Variants in DMKN observed in about 807,000 individuals in gnomAD.
DMKN encodes the protein dermokine.
In DMKN, 58 loss-of-function variants were observed where a neutral mutation model predicts 67.6. The ratio of observed to expected loss-of-function variants is 0.86; its 90% confidence interval spans 0.69 to 1.07. DMKN has a LOEUF of 1.07. Ranked by LOEUF, DMKN falls within the 50% of genes least tolerant of loss-of-function variation. DMKN has a pLI of 0.00. For synonymous variants in DMKN, 240 were observed against 232.3 expected (o/e 1.03, Z -0.30); for missense variants, 596 against 601.5 (o/e 0.99, Z 0.10).
At chr19:35,510,783 C>G (rs1432487614) in intron 5 of DMKN, among the ~76,000 whole-genome samples, 1 of 152,126 alleles carries the variant, frequency 6.6e-6, no homozygotes, top group East Asian at 1.9e-4. Context: ...CTCTCCAGCT[C>G]GACTCCAAGA....
At chr19:35,510,917 C>A (rs1365995854) in intron 5 of DMKN, among the ~76,000 whole-genome samples, 3 of 152,258 alleles carry the variant, frequency 2.0e-5, no homozygotes, top group African/African-American at 7.2e-5. Context: ...GGGGTCACAG[C>A]GCCCCTTCCT....
At chr19:35,509,824 G>T (rs1336362839) in intron 7 of DMKN, 87 bp downstream of exon 7, 3 of 1,499,268 alleles carry the variant, frequency 2.0e-6, no homozygotes, top group African/African-American at 1.4e-5. Flanking sequence ...GCAGGAGGGG[G>T]TTGAGCAGAG....
Position 35,502,854 on chromosome 19 carries a change from G to A in DMKN, c.1167C>T (p.Leu389=), listed in dbSNP as rs1260614996. The A allele has an allele frequency of 1.9e-6, 3 of 1,614,100 alleles. No homozygotes were observed. The highest frequency in any genetic ancestry group is 8.5e-7 in the Non-Finnish European group (1 of 1,180,006). Residue 389 remains leucine (L), a synonymous_variant, in exon 10 of 16, where the codon CTC becomes CTT. Transcript: ENST00000339686. ...CCTCCCAGAGTCGGCTGAAGTAGAG[G>A]AGGGCTCGGGTGCTGGGGGGCGGGA... The part of the protein sequence containing the change: ...NQVPPPSTRA[L]LYFSRLWEDF...
chr19:35,511,477 GCCGC>G lies in DMKN; in HGVS notation c.848_851del (p.Gly283AlafsTer93). 1.1e-6 allele frequency: 1 copy of G among 942,318 alleles called. No homozygotes were observed. The highest frequency in any genetic ancestry group is 1.4e-6 in the Non-Finnish European group (1 of 704,942). 58.4% of individuals were successfully genotyped at this position (942,318 alleles called of 1,614,324 possible). On this transcript the variant is annotated frameshift_variant, in exon 5 of 16. Coordinates refer to ENST00000339686, the MANE Select transcript of DMKN (RefSeq NM_033317.5). LOFTEE classifies it high-confidence loss of function. Reference sequence around the variant, plus strand: ...TGTTGCCACTGCTGCCACCACTGCTGCCGCCACTGCTGCCGCCACTGCTGCTGCC... The same window carrying G: ...TGTTGCCACTGCTGCCACCACTGCTGCACTGCTGCCGCCACTGCTGCTGCC...
At chr19:35,509,107 G>C (rs748553851) in intron 7 of DMKN, among the ~76,000 whole-genome samples, 34 of 152,028 alleles carry the variant, frequency 2.2e-4, no homozygotes, top group Admixed American at 3.9e-4. Flanking sequence ...TGTAATCCCA[G>C]CTACTCGGGA....
At chr19:35,502,985 T>C in intron 9 of DMKN, 99 bp from the exon 10 acceptor site, 1 of 1,345,934 alleles carries the variant, frequency 7.4e-7, no homozygotes, top group Non-Finnish European at 1.0e-6. Context: ...AGAATGTCAT[T>C]GTGACTAAGG....
chr19:35,502,277 AAGG>A, intron 10 of DMKN, 94 bp from the exon 11 acceptor site: 1 of 1,317,334 alleles, frequency 7.6e-7, no homozygotes, highest in Non-Finnish European at 1.1e-6. Context: ...CTCGGGTAGG[AAGG>A]AGCTTTTGGG....
At position 35,508,167 on chromosome 19, in the gene DMKN, C is replaced by T. The variant is rs139914725; in HGVS notation, c.1038+1744G>A. ...AACAGACCTCTACCCCACTTACTAC[C>T]GGCACAGTCTCTGACCCCACATCTA... is the stretch of plus-strand genomic sequence containing the variant. On this transcript the variant is annotated intron_variant, in intron 7 of 15. Transcript: ENST00000339686. The T allele has an allele frequency of 1.0e-3, 1,582 of 1,551,520 alleles. 13 individuals are homozygous for T. Among genetic ancestry groups the T allele is most frequent in the South Asian group, 9.8e-3 (822 of 84,002 alleles).
chr19:35,503,265 A>G, intron 9 of DMKN: 1 of 1,476,138 alleles, frequency 6.8e-7, no homozygotes, highest in Non-Finnish European at 9.0e-7. Flanking sequence ...ACCACCCTGG[A>G]TAACAGCGGA....
intron 9 of DMKN, chr19:35,503,195 C>T (rs1012788556): frequency 2.1e-6 from 3 of 1,409,564 alleles, no homozygotes; most frequent in Non-Finnish European, 2.8e-6. Flanking sequence ...CCCCTTTCCA[C>T]CTGCCGGGCC....
intron 9 of DMKN, 109 bp from the exon 10 acceptor site, chr19:35,502,995 G>T: frequency 7.8e-7 from 1 of 1,277,714 alleles, no homozygotes; most frequent in Non-Finnish European, 1.1e-6. Flanking sequence ...TGTGACTAAG[G>T]TTGGGGATGG....
At chr19:35,502,013 G>A (rs993826181) in intron 11 of DMKN, 123 bp downstream of exon 11, 1 of 1,578,486 alleles carries the variant, frequency 6.3e-7, no homozygotes, top group East Asian at 2.3e-5. Flanking sequence ...CCCCACTCGG[G>A]ATTGCACAAA....
intron 7 of DMKN, among the ~76,000 whole-genome samples, chr19:35,509,199 T>G (rs1249666938): frequency 6.6e-6 from 1 of 151,926 alleles, no homozygotes; most frequent in African/African-American, 2.4e-5. Context: ...CCAGCCTGGG[T>G]AACAGAGCGG....
chr19:35,499,977 G>A lies in DMKN; in HGVS notation c.1340C>T (p.Ser447Leu). ...AYPTAYGGKY[S>L]VKTPAKGGVS... is the part of the protein sequence containing the mutation. Reference sequence around the variant, plus strand: ...TCTCACCTTTGCAGGGGTCTTGACTGAGTACTTCCCACCATAGGCAGTGGG... The same window carrying A: ...TCTCACCTTTGCAGGGGTCTTGACTAAGTACTTCCCACCATAGGCAGTGGG... The change falls in exon 13 of 16, where the codon TCA becomes TTA. Residue 447 changes from serine to leucine, a missense_variant. Transcript: ENST00000339686. The A allele has an allele frequency of 6.2e-7, 1 of 1,614,204 alleles. No individual in the cohort carries two copies. Among genetic ancestry groups the A allele is most frequent in the Non-Finnish European group, 8.5e-7 (1 of 1,180,040 alleles).
intron 13 of DMKN, among the ~76,000 whole-genome samples, chr19:35,499,696 G>T (rs904420036): frequency 6.6e-6 from 1 of 152,156 alleles, no homozygotes; most frequent in African/African-American, 2.4e-5. Flanking sequence ...TTGGTTCTCA[G>T]TTTTCTCTGT....
At chr19:35,502,425 C>T (rs59551721) in intron 10 of DMKN, among the ~76,000 whole-genome samples, 32,453 of 151,772 alleles carry the variant, frequency 0.21, 3,735 homozygotes, top group African/African-American at 0.24. Flanking sequence ...GTTGGCTGGG[C>T]GCGGTGGCTC....
At chr19:35,511,885 G>T in intron 3 of DMKN, 72 bp from the exon 4 acceptor site, 1 of 1,489,808 alleles carries the variant, frequency 6.7e-7, no homozygotes, top group Non-Finnish European at 9.1e-7. Flanking sequence ...ATGGACACAG[G>T]CCAGGCCTCT....
rs772048637 is a variant in DMKN, at chr19:35,500,035, G to A, written c.1288-6C>T. On this transcript the variant is annotated splice_region_variant and splice_polypyrimidine_tract_variant and intron_variant, in intron 12 of 15. Transcript: ENST00000339686. ...TGCTGGTTGTAATTGTAGTTCTGTG[G>A]AAGAAGTGGGCATGGCGGTTAGAAC... is the stretch of plus-strand genomic sequence containing the variant. The A allele has an allele frequency of 1.2e-5, 19 of 1,614,076 alleles. No homozygotes were observed. The South Asian group carries it at 1.9e-4, about 16-fold the overall frequency.
chr19:35,498,875 G>A lies in DMKN; in HGVS notation c.1382C>T (p.Ser461Leu), dbSNP rs369467672. The stretch of plus-strand genomic sequence containing the variant: ...TGAAGATCAGGCCCCCATACTCACC[G>A]AGGAAGAAGGTGAGACTCCCCCCTG... ...PAKGGVSPSS[S>L]ASRVQPGLLQ... is the part of the protein sequence containing the mutation. Residue 461 changes from serine to leucine, a missense_variant and splice_region_variant, in exon 14 of 16, where the codon TCG (serine) becomes TTG (leucine). Physicochemically the swap from Ser to Leu is moderately radical, Grantham distance 145 (BLOSUM62 -2). Transcript: ENST00000339686. 2.2e-5 allele frequency: 35 copies of A among 1,613,988 alleles called. No individual in the cohort carries two copies. The highest frequency in any genetic ancestry group is 1.6e-4 in the Middle Eastern group (1 of 6,084).
Sources: allele counts gnomAD v4.1 joint callset (sites outside exome capture counted in the v4.1 genomes callset), GRCh38; gene constraint gnomAD v4.1.1; transcripts MANE v1.5; gene names NCBI Gene and HGNC (gene_info 2026-07-23, HGNC 2026-07-21).